Variants in PCDHA12 observed in about 807,000 individuals in gnomAD.
PCDHA12 encodes protocadherin alpha-12.
Under a neutral mutation model 60.0 loss-of-function variants are expected in PCDHA12, and 44 were observed. The ratio of observed to expected loss-of-function variants is 0.73; its 90% CI spans 0.58 to 0.94. The LOEUF (loss-of-function observed/expected upper bound fraction) is 0.94. Ranked by LOEUF, PCDHA12 falls within the 40% of genes least tolerant of loss-of-function variation. The probability of loss-of-function intolerance (pLI) is 0.00; values close to 1 mark genes in which losing one functional copy is unlikely to be tolerated. For missense variants in PCDHA12, 1,276 were observed against 1,239.7 expected (o/e 1.03, Z -0.44); for synonymous variants, 569 against 553.0 (o/e 1.03, Z -0.40).
intron 1 of PCDHA12, chr5:140,930,101 G>A (rs782338185): frequency 9.2e-5 from 14 of 152,094 alleles, no homozygotes; most frequent in Non-Finnish European, 1.6e-4. Context: ...TATACTGATA[G>A]GAGATCATAT....
chr5:140,973,631 A>G (rs1554235456), intron 1 of PCDHA12, among the ~76,000 whole-genome samples: 1 of 152,210 alleles, frequency 6.6e-6, no homozygotes, highest in African/African-American at 2.4e-5. Flanking sequence ...TGTATCTTGT[A>G]CACATTCTGA....
rs782703183 is a variant in PCDHA12 at position 140,882,765 on chromosome 5, C to A, written c.2367+4926C>A. On this transcript the variant is annotated intron_variant, in intron 1 of 3. Transcript: ENST00000398631. ...TCCGATGCAGATATTGGAGTAAACT[C>A]GGCATTGACCTACCGACTGGATCCC... 1.5e-5 allele frequency: 25 copies of A among 1,614,104 alleles called. No individual in the cohort carries two copies. In the South Asian group the frequency reaches 2.7e-4, roughly 18 times the overall value.
chr5:140,971,067 G>A (rs1270982335), intron 1 of PCDHA12, among the ~76,000 whole-genome samples: 1 of 152,204 alleles, frequency 6.6e-6, no homozygotes, highest in Non-Finnish European at 1.5e-5. Flanking sequence ...TAAGGTTGCT[G>A]TAGACATTTG....
chr5:140,910,766 T>C (rs2075154722), intron 1 of PCDHA12, among the ~76,000 whole-genome samples: 2 of 152,198 alleles, frequency 1.3e-5, no homozygotes, highest in South Asian at 2.1e-4. Context: ...CTTTTTAAAC[T>C]CCCCAAGCTG....
chr5:140,995,794 CAT>C (rs1407600046), intron 3 of PCDHA12, among the ~76,000 whole-genome samples: 65 of 152,208 alleles, frequency 4.3e-4, no homozygotes, highest in African/African-American at 1.5e-3. Flanking sequence ...AAATTTGTCT[CAT>C]GTTAGTTTCT....
chr5:141,009,999 G>A lies in PCDHA12; in HGVS notation c.*62G>A. 1 of 1,575,110 alleles carries A rather than the reference G, an allele frequency of 6.3e-7. No individual in the cohort carries two copies. The highest frequency in any genetic ancestry group is 1.2e-5 in the South Asian group (1 of 82,646). On this transcript the variant is annotated 3_prime_UTR_variant, in exon 4 of 4. Coordinates refer to ENST00000398631, the MANE Select transcript of PCDHA12 (RefSeq NM_018903.4). ...TGTAATAATGGCAAATCTCTCCCAT[G>A]TAGCAATTCCCTGCTCCTTTTTCCT...
intron 1 of PCDHA12, among the ~76,000 whole-genome samples, chr5:140,934,142 T>C (rs1359446492): frequency 1.3e-5 from 2 of 152,170 alleles, no homozygotes; most frequent in African/African-American, 4.8e-5. Context: ...TTTCCTTCCT[T>C]ATATGTTTAT....
chr5:140,926,370 A>G (rs1268539055), intron 1 of PCDHA12: 1 of 152,298 alleles, frequency 6.6e-6, no homozygotes, highest in African/African-American at 2.4e-5. Flanking sequence ...GGCGGCAGGA[A>G]GAGCCCAGCT....
At chr5:140,880,861 T>C (rs1416708298) in intron 1 of PCDHA12, among the ~76,000 whole-genome samples, 1 of 152,188 alleles carries the variant, frequency 6.6e-6, no homozygotes, top group African/African-American at 2.4e-5. Context: ...AGTCTAATTA[T>C]GTGAAGAGGT....
At chr5:140,933,848 C>T (rs1176922942) in intron 1 of PCDHA12, among the ~76,000 whole-genome samples, 6 of 151,862 alleles carry the variant, frequency 4.0e-5, no homozygotes, top group African/African-American at 1.5e-4. Context: ...ATTCCTGTAC[C>T]TTTAATTTTT....
At chr5:140,884,833 C>A in intron 1 of PCDHA12, 2 of 916,632 alleles carry the variant, frequency 2.2e-6, no homozygotes, top group Non-Finnish European at 3.1e-6. Context: ...GTTGGATTAT[C>A]CTTCAGAGTG....
At chr5:140,938,699 A>G (rs1418739484) in intron 1 of PCDHA12, among the ~76,000 whole-genome samples, 4 of 152,128 alleles carry the variant, frequency 2.6e-5, no homozygotes, top group African/African-American at 4.8e-5. Context: ...TTTTAAATAT[A>G]TGTTTATGAT....
At chr5:140,918,241 G>C (rs1241592397) in intron 1 of PCDHA12, among the ~76,000 whole-genome samples, 4 of 152,162 alleles carry the variant, frequency 2.6e-5, no homozygotes, top group Admixed American at 1.3e-4. Flanking sequence ...CATTGATTTT[G>C]TATGCTGAAA....
In PCDHA12 at chr5:141,011,040, A is replaced by G. The variant is rs1467029720; in HGVS notation, c.*1103A>G. On this transcript the variant is annotated 3_prime_UTR_variant, in exon 4 of 4. Transcript: ENST00000398631. ...AATCACAGCTTTACTCTTTCAGGTCACTCTGGGGCTGCCTCTTGCATGTAT... is the reference window on the plus strand; with the variant it reads ...AATCACAGCTTTACTCTTTCAGGTCGCTCTGGGGCTGCCTCTTGCATGTAT... 1 of 153,602 alleles carries G rather than the reference A, an allele frequency of 6.5e-6. No homozygotes were observed. The highest frequency in any genetic ancestry group is 2.4e-5 in the African/African-American group (1 of 41,374). The allele number at this position is 153,602 out of a possible 1,614,324, so 9.5% of individuals were successfully genotyped here.
At chr5:140,967,107 G>C (rs782199698) in intron 1 of PCDHA12, 1 of 1,612,994 alleles carries the variant, frequency 6.2e-7, no homozygotes. Flanking sequence ...TGTGAGCAGC[G>C]GCCTCGCTGC....
Position 140,941,473 on chromosome 5 carries a change from G to A in PCDHA12, c.2368-37476G>A, listed in dbSNP as rs192163900. Among the ~76,000 whole-genome samples, 149 of 151,018 alleles carry A rather than the reference G, an allele frequency of 9.9e-4. 1 individual carries two copies. Among genetic ancestry groups the A allele is most frequent in the African/African-American group, 3.5e-3 (143 of 41,138 alleles). Reference sequence around the variant, plus strand: ...TGGGATTACAGGCGCCCACCACCACGCCTGGCTAATTTTTTGTATTTTTAG... The same window carrying A: ...TGGGATTACAGGCGCCCACCACCACACCTGGCTAATTTTTTGTATTTTTAG... On this transcript the variant is annotated intron_variant, in intron 1 of 3. Coordinates refer to ENST00000398631, the MANE Select transcript of PCDHA12 (RefSeq NM_018903.4).
At chr5:140,968,378 G>A (rs782689152) in intron 1 of PCDHA12, 15 of 1,614,040 alleles carry the variant, frequency 9.3e-6, no homozygotes, top group Non-Finnish European at 1.3e-5. Context: ...CAACTCCTTT[G>A]ACTATGAGAA....
At position 140,877,773 on chromosome 5, in the gene PCDHA12, G is replaced by A. The variant is rs1554170103; in HGVS notation, c.2301G>A (p.Thr767=). 2.5e-6 allele frequency: 4 copies of A among 1,614,166 alleles called. No individual in the cohort carries two copies. The highest frequency in any genetic ancestry group is 2.2e-5 in the South Asian group (2 of 91,086). The part of the protein sequence containing the change: ...RVCSAESPPK[T]DLMAFSPSLQ... ...GCTCTGCAGAGAGCCCGCCCAAGAC[G>A]GACCTCATGGCCTTCAGCCCAAGCC... The change falls in exon 1 of 4, where the codon ACG becomes ACA. Residue 767 remains threonine (T), a synonymous_variant. Coordinates refer to ENST00000398631, the MANE Select transcript of PCDHA12 (RefSeq NM_018903.4).
At chr5:140,895,036 A>T (rs1207978693) in intron 1 of PCDHA12, among the ~76,000 whole-genome samples, 1 of 151,998 alleles carries the variant, frequency 6.6e-6, no homozygotes, top group Non-Finnish European at 1.5e-5. Flanking sequence ...ATTGTCCCCC[A>T]CCCACACCAT....
Sources: allele counts gnomAD v4.1 joint callset (sites outside exome capture counted in the v4.1 genomes callset), GRCh38; gene constraint gnomAD v4.1.1; transcripts MANE v1.5; gene names NCBI Gene and HGNC (gene_info 2026-07-23, HGNC 2026-07-21).